SUGCT: variants seen among roughly 807,000 people sequenced by gnomAD.
SUGCT encodes the protein succinyl-CoA:glutarate CoA-transferase.
SUGCT carries 41 observed loss-of-function variants against 55.0 expected under a neutral mutation model. The observed-to-expected ratio is 0.74, with a 90% CI of 0.58 to 0.97. SUGCT has a LOEUF of 0.97. SUGCT is among the 50% of genes least tolerant of loss of function. The probability of loss-of-function intolerance (pLI) is 0.00; values close to 1 mark genes in which losing one functional copy is unlikely to be tolerated. For synonymous variants in SUGCT, 187 were observed against 200.4 expected (o/e 0.93, Z 0.56); for missense variants, 568 against 547.8 (o/e 1.04, Z -0.37).
intron 13 of SUGCT, among the ~76,000 whole-genome samples, chr7:40,834,965 T>TA (rs542890454): frequency 2.2e-4 from 32 of 148,480 alleles, no homozygotes; most frequent in Admixed American, 5.4e-4. Flanking sequence ...CTTTTTAAAT[T>TA]AAAAAAAAAA....
the SUGCT span, among the ~76,000 whole-genome samples, chr7:40,982,096 AACCTCAC>A: frequency 2.8e-4 from 43 of 151,966 alleles, no homozygotes; most frequent in East Asian, 7.5e-3. Flanking sequence ...TAATAAAATC[AACCTCAC>A]AGAATTGCTT....
At chr7:40,324,930 A>G (rs1359270786) in intron 9 of SUGCT, among the ~76,000 whole-genome samples, 1 of 152,236 alleles carries the variant, frequency 6.6e-6, no homozygotes, top group African/African-American at 2.4e-5. Context: ...TTCTAACTCA[A>G]GAGGTTGAAG....
chr7:40,200,752 A>G (rs1036709344), intron 6 of SUGCT, among the ~76,000 whole-genome samples: 4 of 152,138 alleles, frequency 2.6e-5, no homozygotes, highest in African/African-American at 4.8e-5. Flanking sequence ...TTAAAAAAAA[A>G]GAGGTAGAAT....
chr7:40,797,156 G>T (rs982518596), intron 13 of SUGCT, among the ~76,000 whole-genome samples: 1 of 152,150 alleles, frequency 6.6e-6, no homozygotes, highest in Admixed American at 6.6e-5. Context: ...ATAGAGAAAA[G>T]ATGAGATGAT....
the SUGCT span, among the ~76,000 whole-genome samples, chr7:40,975,259 G>A: frequency 3.4e-4 from 52 of 152,164 alleles, no homozygotes; most frequent in African/African-American, 1.3e-3. Flanking sequence ...GGAAGGGTTT[G>A]GAAGCGGAAA....
intron 7 of SUGCT, among the ~76,000 whole-genome samples, chr7:40,248,351 T>A (rs531946281): frequency 6.6e-6 from 1 of 152,090 alleles, no homozygotes; most frequent in South Asian, 2.1e-4. Flanking sequence ...CTAAACTGAA[T>A]GTTTTGCATT....
chr7:40,808,128 C>A (rs1210662502), intron 13 of SUGCT: 1 of 152,184 alleles, frequency 6.6e-6, no homozygotes, highest in Non-Finnish European at 1.5e-5. Context: ...CATGGCTACT[C>A]CACCCTTACC....
intron 13 of SUGCT, among the ~76,000 whole-genome samples, chr7:40,816,209 C>T (rs922481660): frequency 5.3e-5 from 8 of 152,240 alleles, no homozygotes; most frequent in African/African-American, 1.7e-4. Flanking sequence ...AAGTCTTGCT[C>T]CAGCCTCTGG....
chr7:40,141,625 A>G (rs2150578851), intron 1 of SUGCT, among the ~76,000 whole-genome samples: 1 of 149,404 alleles, frequency 6.7e-6, no homozygotes, highest in East Asian at 2.0e-4. Context: ...CAGACAGTGC[A>G]AGACTCCATC....
chr7:40,385,260 A>G (rs1297750658), intron 9 of SUGCT, among the ~76,000 whole-genome samples: 3 of 152,128 alleles, frequency 2.0e-5, no homozygotes, highest in Non-Finnish European at 2.9e-5. Context: ...TTTGGAGTTC[A>G]TGGTTGGAGT....
chr7:40,208,519 TGAATATGTAAAATATTCTCTTGTTCAA>T (rs1388226030), intron 6 of SUGCT, among the ~76,000 whole-genome samples: 1 of 152,180 alleles, frequency 6.6e-6, no homozygotes, highest in Non-Finnish European at 1.5e-5. Flanking sequence ...AACTAGGTAT[TGAATATGTAAAATATTCTCTTGTTCAA>T]GAATAAATTG....
chr7:40,829,399 T>C (rs1792537296), intron 13 of SUGCT, among the ~76,000 whole-genome samples: 2 of 152,224 alleles, frequency 1.3e-5, no homozygotes, highest in Admixed American at 1.3e-4. Context: ...TCTTCAGTTC[T>C]TTCCTGAGCA....
chr7:40,752,505 A>G (rs905161004), intron 13 of SUGCT, among the ~76,000 whole-genome samples: 8 of 152,096 alleles, frequency 5.3e-5, no homozygotes, highest in Non-Finnish European at 7.4e-5. Flanking sequence ...ACAGGGACGT[A>G]CCACCACACC....
the SUGCT span, among the ~76,000 whole-genome samples, chr7:41,014,974 A>G: frequency 6.6e-6 from 1 of 152,224 alleles, no homozygotes; most frequent in Non-Finnish European, 1.5e-5. Flanking sequence ...TCATGTTCCA[A>G]TAAATTACCT....
At chr7:40,425,095 A>G (rs1215769021) in intron 9 of SUGCT, among the ~76,000 whole-genome samples, 3 of 152,148 alleles carry the variant, frequency 2.0e-5, no homozygotes, top group African/African-American at 7.2e-5. Context: ...AAAGAAATAT[A>G]TTACAGTGTA....
In SUGCT at chr7:40,560,617, A is replaced by G. The variant is rs117263541; in HGVS notation, c.1089+64231A>G. Among the ~76,000 whole-genome samples the G allele has an allele frequency of 8.5e-5, 13 of 152,344 alleles. No homozygotes were observed. In the East Asian group the frequency reaches 2.3e-3, roughly 27 times the overall value. ...AGTCCTGAGTAGAGATTATACTGATAGAGACAAATTGGTTATTTCCACCCA... is the reference window on the plus strand; with the variant it reads ...AGTCCTGAGTAGAGATTATACTGATGGAGACAAATTGGTTATTTCCACCCA... On this transcript the variant is annotated intron_variant, in intron 12 of 13. Transcript: ENST00000335693.
chr7:40,407,392 AT>A lies in SUGCT; in HGVS notation c.817-41893del, dbSNP rs1369048683. ...AGCATTTGTCAGGATATTATCTGAA[AT>A]TAATGTAAATATTCAATTATTTATA... On this transcript the variant is annotated intron_variant, in intron 9 of 13. Transcript: ENST00000335693. Among the ~76,000 whole-genome samples the A allele has an allele frequency of 2.6e-5, 4 of 152,188 alleles. No homozygotes were observed. In the South Asian group the frequency reaches 8.3e-4, roughly 32 times the overall value.
intron 12 of SUGCT, among the ~76,000 whole-genome samples, chr7:40,623,949 A>T (rs1799395292): frequency 6.6e-6 from 1 of 152,120 alleles, no homozygotes. Context: ...TAATCACTTT[A>T]TTTCTGTTAA....
intron 11 of SUGCT, among the ~76,000 whole-genome samples, chr7:40,460,460 TGCCTCTCA>T: frequency 6.6e-6 from 1 of 152,376 alleles, no homozygotes; most frequent in South Asian, 2.1e-4. Context: ...TTTGCCTCTC[TGCCTCTCA>T]AGCATTTGTA....
Sources: allele counts gnomAD v4.1 joint callset (sites outside exome capture counted in the v4.1 genomes callset), GRCh38; gene constraint gnomAD v4.1.1; transcripts MANE v1.5; gene names NCBI Gene and HGNC (gene_info 2026-07-23, HGNC 2026-07-21).